Variants in ARHGAP8 observed in about 807,000 individuals in gnomAD.
ARHGAP8 encodes Rho GTPase activating protein 8, also known as rho GTPase-activating protein 8.
In ARHGAP8, 62 loss-of-function variants were observed where a neutral mutation model predicts 46.1. The observed-to-expected ratio is 1.34, with a 90% CI of 1.10 to 1.66. The LOEUF (loss-of-function observed/expected upper bound fraction) is 1.66, where lower values mean the gene tolerates loss of function less well. Among genes scored for constraint, ARHGAP8 ranks in the 40% most tolerant of loss-of-function variants. The pLI, the probability that ARHGAP8 is intolerant of heterozygous loss-of-function variation, is 0.00. For synonymous variants in ARHGAP8, 375 were observed against 243.1 expected, an observed-to-expected ratio of 1.54 and a Z score of -5.05; for missense variants, 923 against 568.4, an observed-to-expected ratio of 1.62 and a Z score of -6.34.
chr22:44,826,422 C>G (rs1047584873), intron 7 of ARHGAP8, among the ~76,000 whole-genome samples: 3 of 152,128 alleles, frequency 2.0e-5, no homozygotes, highest in African/African-American at 7.2e-5. Context: ...TCCTGTTATA[C>G]TACCTTTTTT....
intron 2 of ARHGAP8, among the ~76,000 whole-genome samples, chr22:44,788,018 C>G (rs963042388): frequency 6.7e-6 from 1 of 148,424 alleles, no homozygotes; most frequent in African/African-American, 2.5e-5. Context: ...GAATGCAGAT[C>G]CCCTGGCCAG....
intron 1 of ARHGAP8, chr22:44,786,220 A>C (rs947860643): frequency 1.7e-6 from 1 of 603,564 alleles, no homozygotes; most frequent in Non-Finnish European, 2.9e-6. Flanking sequence ...CGACTGATGT[A>C]GAGTGTATAA....
At chr22:44,845,096 T>C (rs1295539294) in intron 7 of ARHGAP8, among the ~76,000 whole-genome samples, 173 bp from the exon 8 acceptor site, 1 of 152,170 alleles carries the variant, frequency 6.6e-6, no homozygotes, top group African/African-American at 2.4e-5. Flanking sequence ...TATCATTTTA[T>C]TATTTGGTCT....
intron 1 of ARHGAP8, among the ~76,000 whole-genome samples, chr22:44,776,447 C>T (rs1926425867): frequency 9.4e-6 from 1 of 105,944 alleles, no homozygotes; most frequent in African/African-American, 4.0e-5. Context: ...AGTGAAACTC[C>T]GTCTCAAAAA....
rs201046994 is a variant in ARHGAP8, at chr22:44,758,449, G to T, written c.-72+5822G>T. 5.3e-5 allele frequency among the ~76,000 whole-genome samples: 8 copies of T among 152,304 alleles called. No homozygotes were observed. In the East Asian group the frequency reaches 9.7e-4, roughly 18 times the overall value. On this transcript the variant is annotated intron_variant, in intron 1 of 11. Coordinates refer to ENST00000356099, the MANE Select transcript of ARHGAP8 (RefSeq NM_181335.3). ...AGAAAGGAGGCATCTGAAGGCCAAGGCTGGGTGTATGGGGGCTCCGTGAAT... is the reference window on the plus strand; with the variant it reads ...AGAAAGGAGGCATCTGAAGGCCAAGTCTGGGTGTATGGGGGCTCCGTGAAT...
chr22:44,762,934 A>G (rs778663580), intron 1 of ARHGAP8, among the ~76,000 whole-genome samples: 2 of 152,156 alleles, frequency 1.3e-5, no homozygotes, highest in Non-Finnish European at 2.9e-5. Flanking sequence ...GGGCTGTCCC[A>G]GAGGAACCAG....
intron 10 of ARHGAP8, among the ~76,000 whole-genome samples, chr22:44,852,326 C>T (rs1251160098): frequency 6.6e-6 from 1 of 151,570 alleles, no homozygotes; most frequent in Non-Finnish European, 1.5e-5. Context: ...TTCCTTTTGT[C>T]ATTCCGCCGT....
rs560191688 is a variant in ARHGAP8, at chr22:44,769,235, C to G, written c.-72+16608C>G. ...TTTCACCTGAGGCTCCATCATCTGC[C>G]CACAATCTTGCCCTGAAACACTTCT... On this transcript the variant is annotated intron_variant, in intron 1 of 11. Coordinates refer to ENST00000356099, the MANE Select transcript of ARHGAP8 (RefSeq NM_181335.3). 2.0e-4 allele frequency among the ~76,000 whole-genome samples: 31 copies of G among 152,286 alleles called. 1 individual carries two copies. The South Asian group carries it at 5.8e-3, about 29-fold the overall frequency.
At chr22:44,816,588 G>A (rs1270368354) in intron 5 of ARHGAP8, among the ~76,000 whole-genome samples, 1 of 152,104 alleles carries the variant, frequency 6.6e-6, no homozygotes, top group Non-Finnish European at 1.5e-5. Context: ...CAAGGCAGGA[G>A]GATCACTTGA....
intron 6 of ARHGAP8, 125 bp from the exon 7 acceptor site, chr22:44,825,358 C>T (rs1930433012): frequency 2.2e-6 from 2 of 908,736 alleles, no homozygotes; most frequent in African/African-American, 3.4e-5. Context: ...GGCAGTGTGG[C>T]ACGTGCGCCC....
At chr22:44,753,897 C>G (rs1241182769) in intron 1 of ARHGAP8, among the ~76,000 whole-genome samples, 1 of 152,222 alleles carries the variant, frequency 6.6e-6, no homozygotes, top group East Asian at 1.9e-4. Context: ...ATGCTTAAGA[C>G]TCAGCCGTTT....
At chr22:44,773,632 G>A (rs887411788) in intron 1 of ARHGAP8, among the ~76,000 whole-genome samples, 4 of 152,068 alleles carry the variant, frequency 2.6e-5, no homozygotes, top group Non-Finnish European at 4.4e-5. Flanking sequence ...GCCCAGGCTG[G>A]GATGCAATGA....
At chr22:44,829,314 AAG>A (rs1930775318) in intron 7 of ARHGAP8, among the ~76,000 whole-genome samples, 1 of 151,876 alleles carries the variant, frequency 6.6e-6, no homozygotes, top group Non-Finnish European at 1.5e-5. Context: ...AAAAAAGAAA[AAG>A]AAAAAACAAG....
intron 5 of ARHGAP8, among the ~76,000 whole-genome samples, chr22:44,820,766 GC>G (rs1302697677): frequency 1.3e-5 from 2 of 152,120 alleles, no homozygotes; most frequent in African/African-American, 2.4e-5. Flanking sequence ...TCCTCCCTCA[GC>G]CCCCGGGTCC....
intron 10 of ARHGAP8, 143 bp downstream of exon 10, chr22:44,849,203 G>A: frequency 1.3e-6 from 2 of 1,482,186 alleles, no homozygotes; most frequent in Non-Finnish European, 1.8e-6. Flanking sequence ...TGCAGGGCAA[G>A]AGAGGGGGTT....
chr22:44,862,155 G>T, intron 11 of ARHGAP8, 120 bp from the exon 12 acceptor site: 2 of 1,242,104 alleles, frequency 1.6e-6, no homozygotes, highest in Non-Finnish European at 2.1e-6. Context: ...ACTGGCTGCC[G>T]GCTCCCAGTC....
At chr22:44,794,691 C>T (rs893282910) in intron 2 of ARHGAP8, among the ~76,000 whole-genome samples, 2 of 151,906 alleles carry the variant, frequency 1.3e-5, no homozygotes, top group South Asian at 4.2e-4. Context: ...GCCTGGGTGA[C>T]AAAGCAAGAC....
At position 44,782,836 on chromosome 22, in the gene ARHGAP8, G is replaced by A. The variant is rs79468979; in HGVS notation, c.-71-3621G>A. ...TGTATTTGCTCAGTCCCCGTCTCCA[G>A]CTTTCCTGGGCTTCTCCTTGGCTGG... On this transcript the variant is annotated intron_variant, in intron 1 of 11. Transcript: ENST00000356099. Among the ~76,000 whole-genome samples, 485 of 152,296 alleles carry A rather than the reference G, an allele frequency of 3.2e-3. 3 individuals carry two copies. Among genetic ancestry groups the A allele is most frequent in the African/African-American group, 0.011 (461 of 41,556 alleles).
intron 3 of ARHGAP8, among the ~76,000 whole-genome samples, chr22:44,807,429 C>T (rs1190642257): frequency 8.6e-6 from 1 of 116,282 alleles, no homozygotes; most frequent in Non-Finnish European, 1.8e-5. Context: ...ACGCAGAGCA[C>T]AGTGTCAGGA....
Sources: gnomAD v4.1 joint callset for allele counts (sites outside exome capture counted in the v4.1 genomes callset) on GRCh38, gnomAD v4.1.1 for gene constraint, MANE v1.5 for transcripts, NCBI Gene and HGNC (gene_info 2026-07-23, HGNC 2026-07-21) for gene names.